LMTK2: variants seen among roughly 807,000 people sequenced by gnomAD.
LMTK2 encodes serine/threonine-protein kinase LMTK2.
In LMTK2, 37 loss-of-function variants were observed where a neutral mutation model predicts 127.5. That is an observed-to-expected ratio of 0.29 (90% confidence interval 0.22 to 0.38). The LOEUF (loss-of-function observed/expected upper bound fraction) is 0.38, where lower values mean the gene tolerates loss of function less well. LMTK2 is among the 10% of genes least tolerant of loss of function. LMTK2 has a pLI of 1.00. For missense variants in LMTK2, 1,694 were observed against 1,920.3 expected (o/e 0.88, Z 2.20); for synonymous variants, 819 against 810.1 (o/e 1.01, Z -0.19).
chr7:98,127,470 G>A lies in LMTK2; in HGVS notation c.104-9845G>A, dbSNP rs73710374. Among the ~76,000 whole-genome samples, 511 of 152,246 alleles carry A rather than the reference G, an allele frequency of 3.4e-3. 6 individuals are homozygous for A. The highest frequency in any genetic ancestry group is 0.012 in the African/African-American group (491 of 41,526). On this transcript the variant is annotated intron_variant, in intron 1 of 13. Coordinates refer to ENST00000297293, the MANE Select transcript of LMTK2 (RefSeq NM_014916.4). ...AGCCACCATTGTTAATTTTCAAGTA[G>A]GCACAGAATTCTCCTATGCAAATTC...
intron 11 of LMTK2, among the ~76,000 whole-genome samples, chr7:98,199,326 T>C (rs1276242602): frequency 1.3e-5 from 2 of 152,384 alleles, no homozygotes; most frequent in South Asian, 2.1e-4. Flanking sequence ...CTGTGATTTT[T>C]AGATTTGTCT....
chr7:98,197,336 T>C (rs1478438266), intron 11 of LMTK2, among the ~76,000 whole-genome samples: 2 of 152,238 alleles, frequency 1.3e-5, no homozygotes, highest in African/African-American at 4.8e-5. Flanking sequence ...GTGCTAGGGC[T>C]TGACCCAAGT....
At chr7:98,151,476 A>G in intron 4 of LMTK2, 21 bp downstream of exon 4, 1 of 1,573,024 alleles carries the variant, frequency 6.4e-7, no homozygotes, top group African/African-American at 1.3e-5. Context: ...CTTCACTTGC[A>G]TTTGTTTTCC....
At chr7:98,108,817 A>T (rs1433256971) in intron 1 of LMTK2, among the ~76,000 whole-genome samples, 1 of 151,186 alleles carries the variant, frequency 6.6e-6, no homozygotes, top group African/African-American at 2.4e-5. Context: ...TATATTTTGA[A>T]GTATCGATTC....
At position 98,192,655 on chromosome 7, in the gene LMTK2, C is replaced by G. The variant is rs1797549718; in HGVS notation, c.2190C>G (p.Asn730Lys). Residue 730 changes from asparagine (N) to lysine (K), a missense_variant, in exon 11 of 14, where the codon AAC becomes AAG. By Grantham distance (94) the Asn-to-Lys change is moderately conservative. This residue lies in a region of LMTK2 where 527 missense variants were observed against 539.8 expected (regional missense o/e 0.98). Transcript: ENST00000297293. ...ACTTTTTATTTCTTCAAGAGAAAAA[C>G]TTACTAAAAGGCTCATTGTCCAGCA... ...SENFLFLQEKNLLKGSLSSKE... is the reference protein window; with the variant it reads ...SENFLFLQEKKLLKGSLSSKE... 1.2e-6 allele frequency: 2 copies of G among 1,610,536 alleles called. No homozygotes were observed. The highest frequency in any genetic ancestry group is 1.7e-6 in the Non-Finnish European group (2 of 1,179,018).
rs1258701205 is a variant in LMTK2, at chr7:98,194,543, G to A, written c.4078G>A (p.Asp1360Asn). 8 of 1,608,648 alleles carry A rather than the reference G, an allele frequency of 5.0e-6. No individual in the cohort carries two copies. In the African/African-American group the frequency reaches 5.3e-5, roughly 11 times the overall value. Reference sequence around the variant, plus strand: ...GGAAAAGAAGGCAGTCACGTTTTTCGATGATGTCACAGTCTACCTGTTTGA... The same window carrying A: ...GGAAAAGAAGGCAGTCACGTTTTTCAATGATGTCACAGTCTACCTGTTTGA... Reference protein sequence around the residue: ...KKEKKAVTFFDDVTVYLFDQE... With the variant: ...KKEKKAVTFFNDVTVYLFDQE... Residue 1360 changes from aspartate (D) to asparagine (N), a missense_variant, in exon 11 of 14, where the codon GAT (aspartate) becomes AAT (asparagine). By Grantham distance (23) the Asp-to-Asn change is conservative. Transcript: ENST00000297293. The surrounding 1 kb of genome is among the most constrained non-coding windows in gnomAD (Gnocchi z 5.4).
intron 6 of LMTK2, among the ~76,000 whole-genome samples, chr7:98,160,436 C>T (rs1173575064): frequency 1.3e-5 from 2 of 152,164 alleles, no homozygotes; most frequent in African/African-American, 2.4e-5. Context: ...ATCTGTGGCT[C>T]ATTGCAACAA....
chr7:98,190,925 G>A (rs533001343), intron 10 of LMTK2, 48 bp downstream of exon 10: 1 of 1,581,010 alleles, frequency 6.3e-7, no homozygotes, highest in South Asian at 1.1e-5. Context: ...TCACTGTGAG[G>A]TGTCCCCAAA....
intron 7 of LMTK2, among the ~76,000 whole-genome samples, chr7:98,174,830 A>T (rs1024308590): frequency 1.3e-5 from 2 of 152,206 alleles, no homozygotes; most frequent in African/African-American, 2.4e-5. Context: ...ATGCATTTAA[A>T]ATCCAGTGAC....
At chr7:98,156,459 C>T (rs1375880700) in intron 5 of LMTK2, among the ~76,000 whole-genome samples, 9 of 150,568 alleles carry the variant, frequency 6.0e-5, no homozygotes, top group Non-Finnish European at 1.0e-4. Flanking sequence ...AACAAGACTC[C>T]GTCTCCAAAA....
intron 4 of LMTK2, among the ~76,000 whole-genome samples, chr7:98,153,449 A>G (rs1188100470): frequency 6.6e-6 from 1 of 152,218 alleles, no homozygotes; most frequent in Non-Finnish European, 1.5e-5. Flanking sequence ...CAGCAGCATA[A>G]GTTCCTTGGC....
At chr7:98,163,828 C>T (rs375939476) in intron 6 of LMTK2, among the ~76,000 whole-genome samples, 34 of 151,326 alleles carry the variant, frequency 2.2e-4, no homozygotes, top group African/African-American at 7.7e-4. Flanking sequence ...GCCCCCTGGC[C>T]GCAATACAAA....
At position 98,171,714 on chromosome 7, in the gene LMTK2, C is replaced by G; in HGVS notation, c.791+40C>G. 6.6e-7 allele frequency: 1 copy of G among 1,519,456 alleles called. No individual in the cohort carries two copies. The highest frequency in any genetic ancestry group is 8.8e-7 in the Non-Finnish European group (1 of 1,139,652). 94.1% of individuals were successfully genotyped at this position (1,519,456 alleles called of 1,614,324 possible). A position where few individuals can be genotyped will look rare whatever the true frequency, so the allele number is the denominator to read the frequency against. On this transcript the variant is annotated intron_variant, in intron 7 of 13. Transcript: ENST00000297293. The surrounding 1 kb of genome is among the most constrained non-coding windows in gnomAD (Gnocchi z 5.1). ...CAGCGGTGCACGCCCCACACAGCAC[C>G]GGCGGGACAGTCCAGAGAGGCTGCC... is the stretch of plus-strand genomic sequence containing the variant.
intron 4 of LMTK2, among the ~76,000 whole-genome samples, chr7:98,151,970 A>G (rs1796864054): frequency 6.6e-6 from 1 of 152,160 alleles, no homozygotes; most frequent in Non-Finnish European, 1.5e-5. Context: ...TTTCGATCAT[A>G]ACAAAGGCCT....
chr7:98,109,618 C>CCTG (rs1206056662), intron 1 of LMTK2, among the ~76,000 whole-genome samples: 1 of 151,824 alleles, frequency 6.6e-6, no homozygotes, highest in African/African-American at 2.4e-5. Flanking sequence ...GTGGTGGGAG[C>CCTG]CTGTAATCCC....
At chr7:98,197,888 A>C in intron 11 of LMTK2, among the ~76,000 whole-genome samples, 1 of 152,028 alleles carries the variant, frequency 6.6e-6, no homozygotes, top group East Asian at 1.9e-4. Flanking sequence ...TCAGGGCTCC[A>C]CCTAGGTTTT....
intron 1 of LMTK2, among the ~76,000 whole-genome samples, chr7:98,110,669 C>A (rs1796189000): frequency 1.3e-5 from 2 of 152,164 alleles, no homozygotes; most frequent in African/African-American, 4.8e-5. Context: ...AAAGAAAGAT[C>A]TTGTATATGT....
In LMTK2 at chr7:98,174,019, G is replaced by A. The variant is rs549290403; in HGVS notation, c.791+2345G>A. Among the ~76,000 whole-genome samples, 3 of 150,702 alleles carry A rather than the reference G, an allele frequency of 2.0e-5. No homozygotes were observed. In the East Asian group the frequency reaches 5.9e-4, roughly 30 times the overall value. On this transcript the variant is annotated intron_variant, in intron 7 of 13. Transcript: ENST00000297293. The stretch of plus-strand genomic sequence containing the variant: ...TGCAGTGAGCCGAGATCATGCCACT[G>A]CACTCTAGTCTGGGTGACAGAGCGA...
At chr7:98,151,319 T>C (rs1056095257) in intron 3 of LMTK2, 63 bp from the exon 4 acceptor site, 9 of 1,106,068 alleles carry the variant, frequency 8.1e-6, no homozygotes, top group East Asian at 5.2e-5. Context: ...GTTCATACTT[T>C]ATAGGTTATA....
Sources: gnomAD v4.1 joint callset for allele counts (sites outside exome capture counted in the v4.1 genomes callset) on GRCh38, gnomAD v4.1.1 for gene constraint, gnomAD v4.1.1 regional missense constraint, Gnocchi (gnomAD v3.1) non-coding constraint, MANE v1.5 for transcripts, NCBI Gene and HGNC (gene_info 2026-07-23, HGNC 2026-07-21) for gene names.